The following RMC1 variants were observed in gnomAD, a reference collection of about 807,000 sequenced individuals.
The protein encoded by RMC1 is regulator of MON1-CCZ1.
A neutral mutation model predicts 95.5 loss-of-function variants in RMC1; 44 were observed. That is an observed-to-expected ratio of 0.46 (90% CI 0.36 to 0.59). The LOEUF is 0.59. Among genes scored for constraint, RMC1 ranks in the 20% least tolerant of loss-of-function variants. RMC1 has a pLI of 0.00. For missense variants in RMC1, 705 were observed against 819.6 expected (o/e 0.86, Z 1.71); for synonymous variants, 320 against 303.6 (o/e 1.05, Z -0.56).
chr18:23,515,773 T>C (rs2057986180), intron 5 of RMC1, 83 bp from the exon 6 acceptor site: 4 of 1,535,256 alleles, frequency 2.6e-6, no homozygotes, highest in Non-Finnish European at 3.6e-6. Context: ...CCTCAGGTGA[T>C]CCGCCCACCT....
chr18:23,527,848 A>G lies in RMC1; in HGVS notation c.1243A>G (p.Lys415Glu), dbSNP rs1295097768. ...GCCCGTGATAGCCACTGTTTTTGAT[A>G]AACTCAACCATGAGTATAAAAAGTA... is the stretch of plus-strand genomic sequence containing the variant. ...SLPVIATVFD[K>E]LNHEYKKYLD... is the part of the protein sequence containing the mutation. Residue 415 changes from lysine (K) to glutamate (E), a missense_variant, in exon 14 of 20, where the codon AAA becomes GAA. Transcript: ENST00000269221. 1.2e-6 allele frequency: 2 copies of G among 1,614,156 alleles called. No individual in the cohort carries two copies. The highest frequency in any genetic ancestry group is 1.1e-5 in the South Asian group (1 of 91,088).
At chr18:23,512,582 A>G (rs2057891080) in intron 5 of RMC1, among the ~76,000 whole-genome samples, 1 of 149,630 alleles carries the variant, frequency 6.7e-6, no homozygotes, top group Non-Finnish European at 1.5e-5. Flanking sequence ...CAGCACGCCC[A>G]ACTTAATTTT....
Position 23,530,483 on chromosome 18 carries a change from GACA to G in RMC1, c.1769_1771del (p.Asn590del), listed in dbSNP as rs773633527. 4.6e-5 allele frequency: 74 copies of G among 1,614,136 alleles called. No homozygotes were observed. The highest frequency in any genetic ancestry group is 1.1e-4 in the African/African-American group (8 of 74,948). ...GTTTATCCGGGGCATTGGTGGCCAT[GACA>G]ACATTTCTGCACGAAAATTTTTAGA... On this transcript the variant is annotated inframe_deletion, in exon 19 of 20. Coordinates refer to ENST00000269221, the MANE Select transcript of RMC1 (RefSeq NM_013326.5).
chr18:23,519,985 G>A (rs1809669555), intron 9 of RMC1, among the ~76,000 whole-genome samples: 1 of 152,204 alleles, frequency 6.6e-6, no homozygotes, highest in South Asian at 2.1e-4. Flanking sequence ...AAGGAAGCAT[G>A]TCATAAATGC....
intron 9 of RMC1, 60 bp downstream of exon 9, chr18:23,519,234 G>T: frequency 1.3e-6 from 2 of 1,484,118 alleles, no homozygotes; most frequent in Non-Finnish European, 1.9e-6. Flanking sequence ...GTGAAAATTG[G>T]TGGCTGGGCA....
At chr18:23,529,058 A>G in intron 14 of RMC1, 121 bp from the exon 15 acceptor site, 1 of 1,460,528 alleles carries the variant, frequency 6.8e-7, no homozygotes, top group Non-Finnish European at 9.1e-7. Flanking sequence ...CTAAGTAGAG[A>G]AAGTGTTTTC....
At chr18:23,519,255 C>T (rs1356257936) in intron 9 of RMC1, 81 bp downstream of exon 9, 17 of 1,251,800 alleles carry the variant, frequency 1.4e-5, no homozygotes, top group South Asian at 2.5e-5. Context: ...CGGTGGATCA[C>T]GCCTGTAATC....
intron 5 of RMC1, among the ~76,000 whole-genome samples, chr18:23,511,626 A>AT (rs528225139): frequency 2.6e-3 from 391 of 152,094 alleles, no homozygotes; most frequent in Non-Finnish European, 5.1e-3. Flanking sequence ...AAAAAGGGGA[A>AT]TGTTGTATAT....
chr18:23,517,528 G>A (rs1197410671), intron 7 of RMC1, among the ~76,000 whole-genome samples: 1 of 152,084 alleles, frequency 6.6e-6, no homozygotes, highest in African/African-American at 2.4e-5. Context: ...ACACAATAGA[G>A]ACTAATAAAA....
chr18:23,519,248 T>C, intron 9 of RMC1, 74 bp downstream of exon 9: 1 of 1,339,140 alleles, frequency 7.5e-7, no homozygotes, highest in South Asian at 1.2e-5. Context: ...CTGGGCACGG[T>C]GGATCACGCC....
At chr18:23,525,494 G>A (rs912409168) in intron 12 of RMC1, among the ~76,000 whole-genome samples, 8 of 151,490 alleles carry the variant, frequency 5.3e-5, no homozygotes, top group African/African-American at 1.9e-4. Context: ...GTGCCATCTC[G>A]GCTCACTGCA....
At chr18:23,529,940 G>A in intron 16 of RMC1, 88 bp from the exon 17 acceptor site, 2 of 1,277,776 alleles carry the variant, frequency 1.6e-6, no homozygotes, top group South Asian at 1.3e-5. Context: ...TACTGTGTTG[G>A]TTAGAATAGC....
At chr18:23,515,815 GT>G in intron 5 of RMC1, 40 bp from the exon 6 acceptor site, 3 of 1,611,734 alleles carry the variant, frequency 1.9e-6, no homozygotes, top group Non-Finnish European at 2.5e-6. Context: ...TTAGTTTGCC[GT>G]TTTTTAAATG....
chr18:23,531,461 G>A (rs1254041750), intron 19 of RMC1, 164 bp from the exon 20 acceptor site: 35 of 1,364,834 alleles, frequency 2.6e-5, no homozygotes, highest in Non-Finnish European at 3.3e-5. Flanking sequence ...TTTAGCTTTT[G>A]TATTTGTCTC....
In RMC1 at chr18:23,529,748, A is replaced by G. The variant is rs183272871; in HGVS notation, c.1494+36A>G. 2.6e-4 allele frequency: 410 copies of G among 1,564,530 alleles called. 1 individual carries two copies. The East Asian group carries it at 8.9e-3, about 34-fold the overall frequency. On this transcript the variant is annotated intron_variant, in intron 16 of 19. Transcript: ENST00000269221. The stretch of plus-strand genomic sequence containing the variant: ...ATCATCTGGGCCCAAGTTAAAACAG[A>G]AGGAATTTAAAAAAAAAACACAGTC...
chr18:23,523,292 G>T (rs1470780409), intron 10 of RMC1, among the ~76,000 whole-genome samples: 1 of 152,130 alleles, frequency 6.6e-6, no homozygotes, highest in African/African-American at 2.4e-5. Flanking sequence ...CTGCCTGCAT[G>T]GCTCATGAGC....
rs777820397 is a variant in RMC1 at position 23,530,375 on chromosome 18, C to A, written c.1669-12C>A. Reference sequence around the variant, plus strand: ...GTTTGCACTGACCTGGACTTCTCTCCCTTACTGCTAGCGACTTTCAACAGC... The same window carrying A: ...GTTTGCACTGACCTGGACTTCTCTCACTTACTGCTAGCGACTTTCAACAGC... On this transcript the variant is annotated splice_polypyrimidine_tract_variant and intron_variant, in intron 18 of 19. Coordinates refer to ENST00000269221, the MANE Select transcript of RMC1 (RefSeq NM_013326.5). 1 of 1,614,004 alleles carries A rather than the reference C, an allele frequency of 6.2e-7. No homozygotes were observed. Among genetic ancestry groups the A allele is most frequent in the Non-Finnish European group, 8.5e-7 (1 of 1,179,982 alleles).
In RMC1 at chr18:23,527,892, T is replaced by C. The variant is rs2145277789; in HGVS notation, c.1287T>C (p.Ser429=). The C allele has an allele frequency of 6.2e-7, 1 of 1,613,516 alleles. No homozygotes were observed. The highest frequency in any genetic ancestry group is 8.5e-7 in the Non-Finnish European group (1 of 1,179,684). ...EYKKYLDAEQ[S]YAMAVEAGQS... ...AAAAGTACCTGGATGCCGAGCAGAGTTATGCGATGGTGAGTTACATGGAGT... is the reference window on the plus strand; with the variant it reads ...AAAAGTACCTGGATGCCGAGCAGAGCTATGCGATGGTGAGTTACATGGAGT... The change falls in exon 14 of 20, where the codon AGT becomes AGC. Residue 429 remains serine, a synonymous_variant. Coordinates refer to ENST00000269221, the MANE Select transcript of RMC1 (RefSeq NM_013326.5).
At position 23,524,472 on chromosome 18, in the gene RMC1, C is replaced by T. The variant is rs141623982; in HGVS notation, c.1050C>T (p.Ser350=). 2.2e-5 allele frequency: 36 copies of T among 1,614,000 alleles called. No individual in the cohort carries two copies. The highest frequency in any genetic ancestry group is 1.2e-4 in the South Asian group (11 of 91,074). The change falls in exon 12 of 20, where the codon AGC becomes AGT. Residue 350 remains serine (S), a synonymous_variant. Coordinates refer to ENST00000269221, the MANE Select transcript of RMC1 (RefSeq NM_013326.5). ...TCTTTCAACCTGACATCATTATCAG[C>T]GCAAGCCAAGGTAGGTCAGCGGGGA... ...WIVFQPDIII[S]ASQGYLWNLQ...
Sources: allele counts gnomAD v4.1 joint callset (sites outside exome capture counted in the v4.1 genomes callset), GRCh38; gene constraint gnomAD v4.1.1; transcripts MANE v1.5; gene names NCBI Gene and HGNC (gene_info 2026-07-23, HGNC 2026-07-21).